The following MYO1F variants were observed in gnomAD, a reference collection of about 807,000 sequenced individuals.
The protein encoded by MYO1F is myosin IF, also known as unconventional myosin-If.
In MYO1F, 60 loss-of-function variants were observed where a neutral mutation model predicts 146.6. The observed-to-expected ratio is 0.41, with a 90% CI of 0.33 to 0.51. The LOEUF is 0.51. MYO1F is among the 20% of genes least tolerant of loss of function. The pLI, the probability that MYO1F is intolerant of heterozygous loss-of-function variation, is 0.25. For synonymous variants in MYO1F, 602 were observed against 602.1 expected, an observed-to-expected ratio of 1.00 and a Z score of 0.00; for missense variants, 1,274 against 1,534.3, an observed-to-expected ratio of 0.83 and a Z score of 2.83.
In MYO1F at chr19:8,548,322, G is replaced by T. The variant is rs763342033; in HGVS notation, c.1102-5C>A. The stretch of plus-strand genomic sequence containing the variant: ...CTGCATAGCACGGTTGATGGCCTGC[G>T]GTGTGGGTGGGGACAGGAAGTCAGT... On this transcript the variant is annotated splice_region_variant and splice_polypyrimidine_tract_variant and intron_variant, in intron 10 of 27. Coordinates refer to ENST00000644032, the MANE Select transcript of MYO1F (RefSeq NM_012335.4). 1 of 1,603,654 alleles carries T rather than the reference G, an allele frequency of 6.2e-7. No individual in the cohort carries two copies. The highest frequency in any genetic ancestry group is 8.5e-7 in the Non-Finnish European group (1 of 1,179,762).
At chr19:8,549,603 C>T (rs1347584747) in intron 10 of MYO1F, 1 of 160,188 alleles carries the variant, frequency 6.2e-6, no homozygotes, top group Non-Finnish European at 1.4e-5. Context: ...ACCTCCACCT[C>T]CCAGGTTCAA....
intron 1 of MYO1F, among the ~76,000 whole-genome samples, chr19:8,573,413 G>A (rs2042147359): frequency 6.6e-6 from 1 of 151,998 alleles, no homozygotes; most frequent in Non-Finnish European, 1.5e-5. Context: ...CCTTCTCAAA[G>A]ACAAACAGAA....
At chr19:8,574,149 A>G (rs2042160342) in intron 1 of MYO1F, among the ~76,000 whole-genome samples, 1 of 152,076 alleles carries the variant, frequency 6.6e-6, no homozygotes. Context: ...ACCACCAACG[A>G]ACAACATTAA....
At chr19:8,558,343 T>G (rs1053278069) in intron 1 of MYO1F, among the ~76,000 whole-genome samples, 6 of 151,828 alleles carry the variant, frequency 4.0e-5, no homozygotes, top group Non-Finnish European at 8.8e-5. Flanking sequence ...TTTAAATTTT[T>G]TTTGTATTGA....
In MYO1F at chr19:8,550,718, CTG is replaced by C. The variant is rs771082992; in HGVS notation, c.772-26_772-25del. ...CTCTGTGGTACAACGGGGGCAGAAA[CTG>C]TGCCGTGAATCCTGGCCTCCAACCT... is the stretch of plus-strand genomic sequence containing the variant. On this transcript the variant is annotated intron_variant, in intron 8 of 27. Transcript: ENST00000644032. 1.3e-5 allele frequency: 21 copies of C among 1,613,526 alleles called. No individual in the cohort carries two copies. In the Admixed American group the frequency reaches 1.3e-4, roughly 10 times the overall value.
intron 1 of MYO1F, among the ~76,000 whole-genome samples, chr19:8,575,576 A>C (rs2042225760): frequency 6.6e-6 from 1 of 151,990 alleles, no homozygotes; most frequent in African/African-American, 2.4e-5. Flanking sequence ...CCATGGCCCG[A>C]TAGCAGTCCA....
chr19:8,544,452 T>C lies in MYO1F; in HGVS notation c.1369A>G (p.Ile457Val). 6.2e-7 allele frequency: 1 copy of C among 1,610,684 alleles called. No individual in the cohort carries two copies. Among genetic ancestry groups the C allele is most frequent in the Non-Finnish European group, 8.5e-7 (1 of 1,179,708 alleles). ...CACACGTCGTCCAAGACGCTCATGA[T>C]GCCTGGGGGGCTCTGCGGGGCGAGC... ...LIENKLSPPG[I>V]MSVLDDVCAT... Residue 457 changes from isoleucine to valine, a missense_variant, in exon 14 of 28, where the codon ATC becomes GTC. Ile to Val is a conservative substitution (Grantham distance 29). Transcript: ENST00000644032.
At chr19:8,574,577 T>TTCTTTCTTTCTTTCTCTC (rs1335184271) in intron 1 of MYO1F, among the ~76,000 whole-genome samples, 65 of 79,738 alleles carry the variant, frequency 8.2e-4, no homozygotes, top group Non-Finnish European at 1.1e-3. Flanking sequence ...CTTTCTTTCT[T>TTCTTTCTTTCTTTCTCTC]TCTCTCTCTC....
chr19:8,574,782 G>A (rs1380012350), intron 1 of MYO1F, among the ~76,000 whole-genome samples: 2 of 133,666 alleles, frequency 1.5e-5, no homozygotes, highest in African/African-American at 5.6e-5. Flanking sequence ...TTGAGATGGA[G>A]CCTCTCTCTG....
At chr19:8,562,172 T>C (rs1481484663) in intron 1 of MYO1F, among the ~76,000 whole-genome samples, 1 of 151,948 alleles carries the variant, frequency 6.6e-6, no homozygotes, top group African/African-American at 2.4e-5. Context: ...TCTTTTTTTT[T>C]TTGTATTTTT....
intron 1 of MYO1F, among the ~76,000 whole-genome samples, chr19:8,574,719 C>T (rs1470936362): frequency 2.3e-5 from 3 of 131,436 alleles, no homozygotes; most frequent in Non-Finnish European, 3.3e-5. Flanking sequence ...CTTTTTCTTT[C>T]TCTTTCTTTC....
At chr19:8,532,713 C>T (rs941127513) in intron 19 of MYO1F, among the ~76,000 whole-genome samples, 2 of 151,886 alleles carry the variant, frequency 1.3e-5, no homozygotes, top group African/African-American at 4.8e-5. Context: ...TAGAAAGACC[C>T]CGTCTCTACA....
chr19:8,548,301 A>G lies in MYO1F; in HGVS notation c.1118T>C (p.Met373Thr), dbSNP rs866390824. 3.7e-6 allele frequency: 6 copies of G among 1,611,782 alleles called. No homozygotes were observed. The highest frequency in any genetic ancestry group is 1.7e-5 in the Admixed American group (1 of 59,882). ...GCTGTACTCTTCCTGGGGTTTCTGC[A>G]TAGCACGGTTGATGGCCTGCGGTGT... ...DFLVEAINRA[M>T]QKPQEEYSIG... The change falls in exon 11 of 28, where the codon ATG (methionine) becomes ACG (threonine). Residue 373 changes from methionine (M) to threonine (T), a missense_variant. By Grantham distance (81) the Met-to-Thr change is moderately conservative. Transcript: ENST00000644032.
chr19:8,544,812 C>G (rs3097181), intron 13 of MYO1F, among the ~76,000 whole-genome samples: 112,488 of 151,970 alleles, frequency 0.74, 42,598 homozygotes, highest in East Asian at 0.94. Flanking sequence ...GTCTTGCTCT[C>G]TTGCCCAGGC....
At chr19:8,544,737 C>T (rs1568351544) in intron 13 of MYO1F, among the ~76,000 whole-genome samples, 1 of 151,992 alleles carries the variant, frequency 6.6e-6, no homozygotes, top group Non-Finnish European at 1.5e-5. Context: ...AGATTCAGGC[C>T]CCAGACTAGA....
chr19:8,551,081 T>C (rs1334040703), intron 8 of MYO1F, among the ~76,000 whole-genome samples: 1 of 148,240 alleles, frequency 6.7e-6, no homozygotes, highest in African/African-American at 2.5e-5. Flanking sequence ...TTTTAGAGTC[T>C]CACTCTTTCA....
At chr19:8,541,425 GTT>G (rs4040643) in intron 15 of MYO1F, among the ~76,000 whole-genome samples, 10,074 of 87,324 alleles carry the variant, frequency 0.12, 367 homozygotes, top group East Asian at 0.14. Context: ...GTGTGTGTGT[GTT>G]TTTTTTTTTT....
chr19:8,554,775 T>C (rs757833567), intron 2 of MYO1F, 32 bp from the exon 3 acceptor site: 123 of 1,602,214 alleles, frequency 7.7e-5, no homozygotes, highest in Admixed American at 1.7e-4. Context: ...TGTGGTGTCC[T>C]GGTAGGTTTT....
chr19:8,561,591 CCCT>C (rs776557240), intron 1 of MYO1F, among the ~76,000 whole-genome samples: 3 of 130,726 alleles, frequency 2.3e-5, no homozygotes, highest in African/African-American at 6.2e-5. Flanking sequence ...TTCCCTCCCT[CCCT>C]CTCTTCTCTT....
Sources: allele counts gnomAD v4.1 joint callset (sites outside exome capture counted in the v4.1 genomes callset), GRCh38; gene constraint gnomAD v4.1.1; transcripts MANE v1.5; gene names NCBI Gene and HGNC (gene_info 2026-07-23, HGNC 2026-07-21).